MARCHF1: variants seen among roughly 807,000 people sequenced by gnomAD.
MARCHF1 encodes the protein E3 ubiquitin-protein ligase MARCHF1.
MARCHF1 carries 40 observed loss-of-function variants against 54.2 expected under a neutral mutation model. That is an observed-to-expected ratio of 0.74 (90% CI 0.57 to 0.96). The LOEUF (loss-of-function observed/expected upper bound fraction) is 0.96, where lower values mean the gene tolerates loss of function less well. Ranked by LOEUF, MARCHF1 falls within the 40% of genes least tolerant of loss-of-function variation. The pLI, the probability that MARCHF1 is intolerant of heterozygous loss-of-function variation, is 0.00. For synonymous variants in MARCHF1, 236 were observed against 236.3 expected, an observed-to-expected ratio of 1.00 and a Z score of 0.01; for missense variants, 586 against 656.5, an observed-to-expected ratio of 0.89 and a Z score of 1.17.
intron 2 of MARCHF1, among the ~76,000 whole-genome samples, chr4:163,990,339 A>G (rs1447182388): frequency 6.6e-6 from 1 of 151,962 alleles, no homozygotes; most frequent in African/African-American, 2.4e-5. Context: ...AGAAGGGTAC[A>G]GTTCTGAACT....
At chr4:164,027,392 A>AAAAAAAAAAAAACAAAAAAAAT (rs1553971149) in intron 2 of MARCHF1, among the ~76,000 whole-genome samples, 1 of 58,982 alleles carries the variant, frequency 1.7e-5, no homozygotes. Flanking sequence ...AAAAAAAAAA[A>AAAAAAAAAAAAACAAAAAAAAT]AGATACATAG....
chr4:164,097,356 A>T (rs539126272), intron 2 of MARCHF1, among the ~76,000 whole-genome samples: 9 of 152,288 alleles, frequency 5.9e-5, no homozygotes, highest in Non-Finnish European at 1.5e-5. Context: ...GAATCCTTAA[A>T]TTATGACTAG....
chr4:164,362,286 A>G (rs1730743703), intron 1 of MARCHF1, among the ~76,000 whole-genome samples: 1 of 152,158 alleles, frequency 6.6e-6, no homozygotes, highest in South Asian at 2.1e-4. Context: ...GAATAATTCT[A>G]TTTTGTTTTA....
chr4:164,165,876 G>T (rs76201402), intron 1 of MARCHF1, among the ~76,000 whole-genome samples: 1,849 of 152,060 alleles, frequency 0.012, 36 homozygotes, highest in East Asian at 0.087. Context: ...CAAGTAGTCA[G>T]TGGGTCACCA....
chr4:163,533,492 A>G (rs1738424417), intron 9 of MARCHF1, among the ~76,000 whole-genome samples: 1 of 151,858 alleles, frequency 6.6e-6, no homozygotes. Context: ...GCCCCAATGT[A>G]ACTATGAACT....
chr4:163,930,243 A>G (rs1204121462), intron 3 of MARCHF1, among the ~76,000 whole-genome samples: 1 of 151,366 alleles, frequency 6.6e-6, no homozygotes, highest in African/African-American at 2.4e-5. Context: ...GGAAAACAAA[A>G]ATAAAGACAC....
At chr4:163,814,421 T>C (rs1748478479) in intron 4 of MARCHF1, among the ~76,000 whole-genome samples, 1 of 151,882 alleles carries the variant, frequency 6.6e-6, no homozygotes, top group Admixed American at 6.6e-5. Flanking sequence ...CTACTAAAAA[T>C]AGAAAAAGAT....
chr4:163,817,903 T>C (rs1444089320), intron 4 of MARCHF1, among the ~76,000 whole-genome samples: 3 of 133,834 alleles, frequency 2.2e-5, no homozygotes, highest in Admixed American at 8.3e-5. Context: ...TAGATGGGAA[T>C]TGAACAATGA....
At chr4:164,151,918 T>G (rs868322047) in intron 1 of MARCHF1, among the ~76,000 whole-genome samples, 3 of 152,114 alleles carry the variant, frequency 2.0e-5, no homozygotes, top group Non-Finnish European at 2.9e-5. Context: ...ACCTTTGCCC[T>G]TCACAATCTT....
At chr4:163,624,047 G>T (rs142828991) in intron 5 of MARCHF1, among the ~76,000 whole-genome samples, 327 of 152,280 alleles carry the variant, frequency 2.1e-3, no homozygotes, top group African/African-American at 7.4e-3. Context: ...CAATTACTGG[G>T]TTGGATGAGG....
chr4:164,198,725 A>C (rs1306911100), intron 1 of MARCHF1, among the ~76,000 whole-genome samples: 1 of 152,184 alleles, frequency 6.6e-6, no homozygotes, highest in African/African-American at 2.4e-5. Flanking sequence ...CCTTGAGTGA[A>C]TAACATTTTT....
chr4:163,929,180 A>G (rs956110982), intron 3 of MARCHF1, among the ~76,000 whole-genome samples: 41 of 152,064 alleles, frequency 2.7e-4, no homozygotes, highest in Non-Finnish European at 7.4e-5. Context: ...GATATTTAAA[A>G]TTATGGTAGA....
At chr4:163,624,304 T>A (rs1343574149) in intron 5 of MARCHF1, among the ~76,000 whole-genome samples, 1 of 152,108 alleles carries the variant, frequency 6.6e-6, no homozygotes, top group Non-Finnish European at 1.5e-5. Flanking sequence ...CCAAGAGAGA[T>A]CAGGCGTTGG....
intron 1 of MARCHF1, among the ~76,000 whole-genome samples, chr4:164,133,945 CAT>C (rs1203294038): frequency 6.6e-6 from 1 of 152,160 alleles, no homozygotes; most frequent in East Asian, 1.9e-4. Flanking sequence ...ATACTCTTCG[CAT>C]ATATGTCACT....
intron 1 of MARCHF1, among the ~76,000 whole-genome samples, chr4:164,134,607 C>T (rs76275394): frequency 0.028 from 4,256 of 152,146 alleles, 193 homozygotes; most frequent in African/African-American, 0.097. Flanking sequence ...CACTCGCCCT[C>T]ACTCCACAAT....
chr4:163,728,891 G>T (rs745345859), intron 4 of MARCHF1, among the ~76,000 whole-genome samples: 11 of 152,164 alleles, frequency 7.2e-5, no homozygotes, highest in Non-Finnish European at 1.5e-4. Context: ...TAGCAGGAAA[G>T]CTCTGAATTT....
chr4:163,672,605 T>G (rs116270372), intron 5 of MARCHF1, among the ~76,000 whole-genome samples: 1 of 152,252 alleles, frequency 6.6e-6, no homozygotes, highest in Non-Finnish European at 1.5e-5. Context: ...TGTCATATTT[T>G]ATTTAATAAA....
At chr4:164,228,266 C>T (rs1297967178) in intron 1 of MARCHF1, among the ~76,000 whole-genome samples, 1 of 152,088 alleles carries the variant, frequency 6.6e-6, no homozygotes, top group East Asian at 1.9e-4. Context: ...GTTAAATTTG[C>T]TTTGCTATCA....
chr4:163,613,073 GA>G (rs1741400696), intron 6 of MARCHF1, 35 bp from the exon 7 acceptor site: 2 of 1,442,206 alleles, frequency 1.4e-6, no homozygotes, highest in Non-Finnish European at 1.8e-6. Context: ...TGGGAAATGG[GA>G]ATGGAGAGGA....
Sources: allele counts gnomAD v4.1 joint callset (sites outside exome capture counted in the v4.1 genomes callset), GRCh38; gene constraint gnomAD v4.1.1; transcripts MANE v1.5; gene names NCBI Gene and HGNC (gene_info 2026-07-23, HGNC 2026-07-21).